The following TENM3 variants were observed in gnomAD, a reference collection of about 807,000 sequenced individuals.
The protein encoded by TENM3 is teneurin-3.
A neutral mutation model predicts 255.1 loss-of-function variants in TENM3; 63 were observed. The ratio of observed to expected loss-of-function variants is 0.25; its 90% confidence interval spans 0.20 to 0.30. TENM3 has a LOEUF of 0.30. Among genes scored for constraint, TENM3 ranks in the 10% least tolerant of loss-of-function variants. The pLI, the probability that TENM3 is intolerant of heterozygous loss-of-function variation, is 1.00. For missense variants in TENM3, 2,929 were observed against 3,461.1 expected (o/e 0.85, Z 3.86); for synonymous variants, 1,306 against 1,322.3 (o/e 0.99, Z 0.27).
the TENM3 span, among the ~76,000 whole-genome samples, chr4:181,950,486 T>G: frequency 3.9e-5 from 6 of 152,178 alleles, no homozygotes; most frequent in African/African-American, 1.4e-4. Flanking sequence ...ATTAACACCA[T>G]GTTACACCAT....
At chr4:181,688,307 C>CT in the TENM3 span, among the ~76,000 whole-genome samples, 8 of 151,958 alleles carry the variant, frequency 5.3e-5, no homozygotes, top group South Asian at 2.1e-4. Context: ...AAGTCTAAGC[C>CT]CTTTTTTTGA....
the TENM3 span, among the ~76,000 whole-genome samples, chr4:182,124,332 G>A: frequency 6.6e-6 from 1 of 152,170 alleles, no homozygotes; most frequent in Non-Finnish European, 1.5e-5. Context: ...GATTACAGGC[G>A]TGAGCCACAG....
At chr4:181,838,251 A>G in the TENM3 span, among the ~76,000 whole-genome samples, 1 of 152,216 alleles carries the variant, frequency 6.6e-6, no homozygotes, top group Non-Finnish European at 1.5e-5. Context: ...TTACATTTCT[A>G]TATGTTACTG....
intron 3 of TENM3, among the ~76,000 whole-genome samples, chr4:182,465,874 T>G (rs1209515748): frequency 6.6e-6 from 1 of 152,198 alleles, no homozygotes; most frequent in Non-Finnish European, 1.5e-5. Context: ...TTTAAAGTTT[T>G]TTTAGTTTTA....
At chr4:181,473,347 G>A in the TENM3 span, among the ~76,000 whole-genome samples, 2 of 152,114 alleles carry the variant, frequency 1.3e-5, no homozygotes, top group African/African-American at 2.4e-5. Context: ...CAGCACTTCA[G>A]GAGGCCAAGG....
chr4:181,894,868 A>G, the TENM3 span, among the ~76,000 whole-genome samples: 1 of 152,152 alleles, frequency 6.6e-6, no homozygotes, highest in Non-Finnish European at 1.5e-5. Context: ...GTTGTAATGC[A>G]TGCATATTTA....
intron 1 of TENM3, among the ~76,000 whole-genome samples, chr4:182,231,367 A>C (rs1473936712): frequency 6.6e-6 from 1 of 152,128 alleles, no homozygotes; most frequent in Non-Finnish European, 1.5e-5. Flanking sequence ...GGAGAACAAA[A>C]AAAAGGAACG....
intron 6 of TENM3, among the ~76,000 whole-genome samples, chr4:182,670,335 A>G (rs1454635179): frequency 6.6e-6 from 1 of 152,196 alleles, no homozygotes; most frequent in East Asian, 1.9e-4. Flanking sequence ...GGTTCAAGAA[A>G]AATAGACCTG....
chr4:181,631,347 T>C, the TENM3 span, among the ~76,000 whole-genome samples: 1 of 152,034 alleles, frequency 6.6e-6, no homozygotes. Flanking sequence ...AGGAGTGCAA[T>C]GGCACAATCT....
chr4:181,732,783 C>T, the TENM3 span, among the ~76,000 whole-genome samples: 940 of 148,232 alleles, frequency 6.3e-3, 41 homozygotes, highest in Admixed American at 0.054. Context: ...AGTAGGGGGG[C>T]GGGGGATGAG....
At chr4:182,431,566 T>C (rs1038575604) in intron 3 of TENM3, among the ~76,000 whole-genome samples, 2 of 152,058 alleles carry the variant, frequency 1.3e-5, no homozygotes, top group Non-Finnish European at 2.9e-5. Context: ...CATCAGGATT[T>C]GATAATGGAT....
the TENM3 span, among the ~76,000 whole-genome samples, chr4:182,078,388 G>A: frequency 8.6e-5 from 13 of 151,806 alleles, no homozygotes; most frequent in African/African-American, 2.9e-4. Flanking sequence ...CGGGCGTGGT[G>A]GTGTGCACCT....
the TENM3 span, among the ~76,000 whole-genome samples, chr4:181,702,040 C>T: frequency 6.6e-6 from 1 of 152,148 alleles, no homozygotes; most frequent in Non-Finnish European, 1.5e-5. Context: ...AGCCTATACT[C>T]AGTGGGCACT....
At chr4:182,712,563 C>G (rs1194686077) in intron 12 of TENM3, among the ~76,000 whole-genome samples, 2 of 152,120 alleles carry the variant, frequency 1.3e-5, no homozygotes, top group East Asian at 3.9e-4. Context: ...CTGATGGTAT[C>G]CATAAGTGTA....
In TENM3 at chr4:182,313,667, GAA is replaced by G. The variant is rs11353495; in HGVS notation, c.-75-10271_-75-10270del. Among the ~76,000 whole-genome samples the G allele has an allele frequency of 9.2e-4, 138 of 150,770 alleles. 1 individual carries two copies. The highest frequency in any genetic ancestry group is 2.6e-3 in the African/African-American group (108 of 41,162). On this transcript the variant is annotated intron_variant, in intron 1 of 27. Transcript: ENST00000511685. The stretch of plus-strand genomic sequence containing the variant: ...TACCTGCTTAATACATATTTTAAAT[GAA>G]AAAAAAACAGCAAATATTGGGAATG...
the TENM3 span, among the ~76,000 whole-genome samples, chr4:182,127,026 G>T: frequency 6.6e-6 from 1 of 152,202 alleles, no homozygotes; most frequent in African/African-American, 2.4e-5. Context: ...ATTTAACACA[G>T]GTTAATGAGA....
intron 4 of TENM3, among the ~76,000 whole-genome samples, chr4:182,626,097 C>T (rs1354355792): frequency 6.6e-6 from 1 of 152,168 alleles, no homozygotes; most frequent in Non-Finnish European, 1.5e-5. Flanking sequence ...TATGCATTGT[C>T]TATGGCGGCT....
At chr4:182,383,784 A>G (rs888446008) in intron 3 of TENM3, among the ~76,000 whole-genome samples, 4 of 152,292 alleles carry the variant, frequency 2.6e-5, no homozygotes, top group Non-Finnish European at 4.4e-5. Context: ...CCAAAGCAGC[A>G]TGGTACTGTT....
the TENM3 span, among the ~76,000 whole-genome samples, chr4:181,612,087 G>T: frequency 6.6e-6 from 1 of 151,798 alleles, no homozygotes; most frequent in Non-Finnish European, 1.5e-5. Context: ...GTGTTCCTTT[G>T]CTCCGTTCCT....
Sources: allele counts gnomAD v4.1 joint callset (sites outside exome capture counted in the v4.1 genomes callset), GRCh38; gene constraint gnomAD v4.1.1; transcripts MANE v1.5; gene names NCBI Gene and HGNC (gene_info 2026-07-23, HGNC 2026-07-21).